The following HPSE2 variants were observed in gnomAD, a reference collection of about 807,000 sequenced individuals.
HPSE2 encodes heparanase 2 (inactive), also known as inactive heparanase-2.
HPSE2 carries 38 observed loss-of-function variants against 60.5 expected under a neutral mutation model. The observed-to-expected ratio is 0.63, with a 90% CI of 0.48 to 0.82. The LOEUF (loss-of-function observed/expected upper bound fraction) is 0.82. Ranked by LOEUF, HPSE2 falls within the 40% of genes least tolerant of loss-of-function variation. The probability of loss-of-function intolerance (pLI) is 0.00; values close to 1 mark genes in which losing one functional copy is unlikely to be tolerated. For missense variants in HPSE2, 713 were observed against 740.4 expected, an observed-to-expected ratio of 0.96 and a Z score of 0.43; for synonymous variants, 295 against 293.2, an observed-to-expected ratio of 1.01 and a Z score of -0.06.
Position 98,936,087 on chromosome 10 carries a change from C to A in HPSE2, c.611-192031G>T, listed in dbSNP as rs796859370. On this transcript the variant is annotated intron_variant, in intron 3 of 11. Coordinates refer to ENST00000370552, the MANE Select transcript of HPSE2 (RefSeq NM_021828.5). ...TTCTGCCCAGTCCAAACCTCCCAGT[C>A]TCCTTAGCCCTCTCAGGGGAAAACT... 6.9e-5 allele frequency among the ~76,000 whole-genome samples: 10 copies of A among 144,670 alleles called. 2 individuals are homozygous for A. The highest frequency in any genetic ancestry group is 2.2e-4 in the African/African-American group (8 of 35,896). The allele number at this position is 144,670 out of a possible 152,430, so 94.9% of individuals were successfully genotyped here.
chr10:99,272,443 C>A, the HPSE2 span, among the ~76,000 whole-genome samples: 1 of 152,080 alleles, frequency 6.6e-6, no homozygotes, highest in East Asian at 1.9e-4. Flanking sequence ...AATTAATTAA[C>A]TGAAAAGCTT....
chr10:98,473,548 G>A (rs374790033), intron 11 of HPSE2, among the ~76,000 whole-genome samples: 1 of 107,948 alleles, frequency 9.3e-6, no homozygotes, highest in Non-Finnish European at 1.9e-5. Flanking sequence ...GAAAGAAAGA[G>A]AGGAAGAGAA....
At position 98,639,173 on chromosome 10, in the gene HPSE2, C is replaced by T. The variant is rs150118213; in HGVS notation, c.1098+2674G>A. Among the ~76,000 whole-genome samples, 562 of 152,258 alleles carry T rather than the reference C, an allele frequency of 3.7e-3. 4 individuals carry two copies. The highest frequency in any genetic ancestry group is 0.013 in the African/African-American group (542 of 41,554). Reference sequence around the variant, plus strand: ...CGTGTCAGAGACGGGAGTGAACAAGCCTTCTGATGGTCCCAGATACTAACC... The same window carrying T: ...CGTGTCAGAGACGGGAGTGAACAAGTCTTCTGATGGTCCCAGATACTAACC... On this transcript the variant is annotated intron_variant, in intron 7 of 11. Transcript: ENST00000370552.
At chr10:98,480,617 C>T (rs72838936) in intron 11 of HPSE2, among the ~76,000 whole-genome samples, 14,398 of 152,134 alleles carry the variant, frequency 0.095, 869 homozygotes, top group Middle Eastern at 0.13. Context: ...TGCCTGCATC[C>T]TTGGTTGGAG....
the HPSE2 span, among the ~76,000 whole-genome samples, chr10:99,257,423 G>A: frequency 6.6e-6 from 1 of 152,112 alleles, no homozygotes; most frequent in Non-Finnish European, 1.5e-5. Flanking sequence ...ATCCCTGAGG[G>A]TAGGCCTCTA....
chr10:98,585,874 C>G (rs933807210), intron 9 of HPSE2, among the ~76,000 whole-genome samples: 1 of 150,278 alleles, frequency 6.7e-6, no homozygotes, highest in Non-Finnish European at 1.5e-5. Context: ...ATTGCTTGAA[C>G]CCGGGAGGCA....
chr10:98,999,985 T>C (rs1325626960), intron 3 of HPSE2, among the ~76,000 whole-genome samples: 1 of 152,150 alleles, frequency 6.6e-6, no homozygotes, highest in African/African-American at 2.4e-5. Flanking sequence ...TCTGAGGTGT[T>C]TGTTTTAGCA....
At chr10:99,079,692 G>A (rs949681073) in intron 3 of HPSE2, among the ~76,000 whole-genome samples, 1 of 152,110 alleles carries the variant, frequency 6.6e-6, no homozygotes, top group African/African-American at 2.4e-5. Context: ...GAGAAGTTGA[G>A]GCATTGGATG....
At chr10:98,526,573 A>G (rs932924158) in intron 9 of HPSE2, among the ~76,000 whole-genome samples, 1 of 152,318 alleles carries the variant, frequency 6.6e-6, no homozygotes, top group East Asian at 1.9e-4. Flanking sequence ...TCTGCTCAGG[A>G]CTTTAGAAAT....
intron 2 of HPSE2, among the ~76,000 whole-genome samples, chr10:99,180,155 A>G (rs910986578): frequency 6.6e-6 from 1 of 152,098 alleles, no homozygotes; most frequent in African/African-American, 2.4e-5. Flanking sequence ...AATCATAAAA[A>G]CCCTAGAAGA....
At chr10:98,741,461 T>C (rs1949494724) in intron 4 of HPSE2, among the ~76,000 whole-genome samples, 1 of 151,992 alleles carries the variant, frequency 6.6e-6, no homozygotes, top group Admixed American at 6.6e-5. Context: ...AGGAGGTTGA[T>C]GGGGAGGGGC....
intron 3 of HPSE2, among the ~76,000 whole-genome samples, chr10:98,751,429 T>G (rs1463604158): frequency 6.6e-6 from 1 of 152,244 alleles, no homozygotes; most frequent in Non-Finnish European, 1.5e-5. Flanking sequence ...AGTTCAATAC[T>G]GTTCTTTTCT....
At chr10:99,283,234 A>G in the HPSE2 span, among the ~76,000 whole-genome samples, 3 of 148,236 alleles carry the variant, frequency 2.0e-5, no homozygotes, top group Non-Finnish European at 4.5e-5. Flanking sequence ...ATTTCAAATC[A>G]ATAACCTAAA....
At chr10:98,984,551 G>A (rs1186435035) in intron 3 of HPSE2, among the ~76,000 whole-genome samples, 1 of 152,184 alleles carries the variant, frequency 6.6e-6, no homozygotes, top group Admixed American at 6.5e-5. Context: ...AAAAAACAGA[G>A]CAGAAAAACT....
intron 3 of HPSE2, among the ~76,000 whole-genome samples, chr10:98,904,177 TAG>T (rs1291292526): frequency 3.9e-5 from 6 of 152,296 alleles, no homozygotes; most frequent in Middle Eastern, 3.4e-3. Context: ...TTAGTGAGAA[TAG>T]AGTTAGTAAT....
the HPSE2 span, among the ~76,000 whole-genome samples, chr10:99,274,129 TGA>T: frequency 2.0e-5 from 3 of 152,246 alleles, no homozygotes; most frequent in Non-Finnish European, 2.9e-5. Context: ...GCAGATCGCT[TGA>T]GGCCAGGAGT....
At chr10:98,814,333 T>C (rs1281980869) in intron 3 of HPSE2, among the ~76,000 whole-genome samples, 5 of 152,230 alleles carry the variant, frequency 3.3e-5, no homozygotes, top group Non-Finnish European at 7.3e-5. Context: ...CACTTATTAG[T>C]CCTGCCAGTA....
chr10:98,842,878 C>G (rs1951949417), intron 3 of HPSE2, among the ~76,000 whole-genome samples: 1 of 152,188 alleles, frequency 6.6e-6, no homozygotes, highest in African/African-American at 2.4e-5. Context: ...CACCCTAACC[C>G]TTGGCAACCA....
chr10:98,949,247 C>T (rs111739941), intron 3 of HPSE2, among the ~76,000 whole-genome samples: 20 of 80,554 alleles, frequency 2.5e-4, no homozygotes, highest in African/African-American at 9.7e-4. Flanking sequence ...CACACGCATG[C>T]GTGCACACAC....
Sources: gnomAD v4.1 joint callset for allele counts (sites outside exome capture counted in the v4.1 genomes callset) on GRCh38, gnomAD v4.1.1 for gene constraint, MANE v1.5 for transcripts, NCBI Gene and HGNC (gene_info 2026-07-23, HGNC 2026-07-21) for gene names.